The following TIMM50 variants were observed in gnomAD, a reference collection of about 807,000 sequenced individuals.
TIMM50 encodes translocase of inner mitochondrial membrane 50.
A neutral mutation model predicts 49.6 loss-of-function variants in TIMM50; 34 were observed. The observed-to-expected ratio is 0.69, with a 90% confidence interval of 0.52 to 0.91. The LOEUF (loss-of-function observed/expected upper bound fraction) is 0.91, where lower values mean the gene tolerates loss of function less well. Ranked by LOEUF, TIMM50 falls within the 40% of genes least tolerant of loss-of-function variation. The probability of loss-of-function intolerance (pLI) is 0.00; values close to 1 mark genes in which losing one functional copy is unlikely to be tolerated. For synonymous variants in TIMM50, 199 were observed against 198.4 expected (o/e 1.00, Z -0.03); for missense variants, 458 against 477.8 (o/e 0.96, Z 0.39).
At chr19:39,488,340 T>C (rs1600742328) in intron 9 of TIMM50, 123 bp downstream of exon 9, 3 of 1,236,592 alleles carry the variant, frequency 2.4e-6, no homozygotes, top group Non-Finnish European at 3.4e-6. Context: ...CACCTTGGAG[T>C]CTTTAGGAGC....
At chr19:39,487,640 G>A (rs1490850923) in intron 8 of TIMM50, among the ~76,000 whole-genome samples, 1 of 151,970 alleles carries the variant, frequency 6.6e-6, no homozygotes, top group African/African-American at 2.4e-5. Context: ...TGTATTTTTA[G>A]TAGAGACAGA....
intron 4 of TIMM50, among the ~76,000 whole-genome samples, chr19:39,484,296 C>G (rs890493827): frequency 1.3e-5 from 2 of 152,082 alleles, no homozygotes; most frequent in Non-Finnish European, 2.9e-5. Context: ...CCCAGCTACT[C>G]AGGAGGCTGA....
At chr19:39,489,411 G>T (rs1379513654) in intron 10 of TIMM50, among the ~76,000 whole-genome samples, 1 of 152,114 alleles carries the variant, frequency 6.6e-6, no homozygotes, top group African/African-American at 2.4e-5. Flanking sequence ...TGGGGCCTGA[G>T]AACCTACTGC....
chr19:39,488,008 G>A, intron 8 of TIMM50, 53 bp from the exon 9 acceptor site: 2 of 1,570,056 alleles, frequency 1.3e-6, no homozygotes, highest in South Asian at 1.2e-5. Flanking sequence ...GGGTCTTCTT[G>A]ATGGGGGGAG....
In TIMM50 at chr19:39,490,039, G is replaced by T. The variant is rs1448364137; in HGVS notation, c.*219G>T. ...CAAGCACAGTGGGGGTGCTTTGTTGGATCAGAGCAGATTTTTCACCCTGGT... is the reference window on the plus strand; with the variant it reads ...CAAGCACAGTGGGGGTGCTTTGTTGTATCAGAGCAGATTTTTCACCCTGGT... On this transcript the variant is annotated 3_prime_UTR_variant, in exon 11 of 11. Coordinates refer to ENST00000607714, the MANE Select transcript of TIMM50 (RefSeq NM_001001563.5). 6 of 562,700 alleles carry T rather than the reference G, an allele frequency of 1.1e-5. No homozygotes were observed. The highest frequency in any genetic ancestry group is 7.5e-5 in the African/African-American group (4 of 53,356). 34.9% of individuals were successfully genotyped at this position (562,700 alleles called of 1,614,324 possible).
chr19:39,487,948 T>G, intron 8 of TIMM50, 113 bp from the exon 9 acceptor site: 1 of 1,455,936 alleles, frequency 6.9e-7, no homozygotes, highest in Non-Finnish European at 9.2e-7. Flanking sequence ...CCTGCCATTG[T>G]GATCCCAGTA....
chr19:39,481,032 T>G (rs2079467601), intron 1 of TIMM50, 71 bp downstream of exon 1: 2 of 1,467,532 alleles, frequency 1.4e-6, no homozygotes, highest in South Asian at 1.4e-5. Flanking sequence ...TCGCCGCCCC[T>G]TGGGGGTTCC....
At position 39,485,678 on chromosome 19, in the gene TIMM50, T is replaced by C; in HGVS notation, c.373-10T>C. Reference sequence around the variant, plus strand: ...TGTCTGAGCGCCCCCATCCTGTCCCTCTCCCACAGATGATCATCGAGCCCA... The same window carrying C: ...TGTCTGAGCGCCCCCATCCTGTCCCCCTCCCACAGATGATCATCGAGCCCA... On this transcript the variant is annotated splice_polypyrimidine_tract_variant and intron_variant, in intron 5 of 10. Transcript: ENST00000607714. The C allele has an allele frequency of 6.2e-7, 1 of 1,614,024 alleles. No homozygotes were observed. Among genetic ancestry groups the C allele is most frequent in the Non-Finnish European group, 8.5e-7 (1 of 1,180,010 alleles).
In TIMM50 at chr19:39,490,791, G is replaced by A. The variant is rs1175605779; in HGVS notation, c.*971G>A. The A allele has an allele frequency of 6.6e-6, 1 of 152,060 alleles. No individual in the cohort carries two copies. Among genetic ancestry groups the A allele is most frequent in the Non-Finnish European group, 1.5e-5 (1 of 68,044 alleles). The allele number at this position is 152,060 out of a possible 1,614,324, so 9.4% of individuals were successfully genotyped here. ...AATCCCAGCACTTTGGGAGGCTGAG[G>A]TGGGTGGATCACCTGAGGTCAGGAG... On this transcript the variant is annotated 3_prime_UTR_variant, in exon 11 of 11. Coordinates refer to ENST00000607714, the MANE Select transcript of TIMM50 (RefSeq NM_001001563.5).
intron 4 of TIMM50, chr19:39,483,692 GC>G (rs1405915743): frequency 6.4e-6 from 1 of 155,238 alleles, no homozygotes; most frequent in Non-Finnish European, 1.4e-5. Context: ...GGGGATGTTT[GC>G]AAACAGTCAT....
intron 4 of TIMM50, among the ~76,000 whole-genome samples, chr19:39,484,282 T>C (rs994594901): frequency 6.6e-6 from 1 of 152,184 alleles, no homozygotes; most frequent in Admixed American, 6.5e-5. Context: ...CCTGTGCCTG[T>C]GGTCCCAGCT....
intron 4 of TIMM50, among the ~76,000 whole-genome samples, chr19:39,484,396 T>C (rs1363781393): frequency 6.6e-6 from 1 of 151,958 alleles, no homozygotes; most frequent in Non-Finnish European, 1.5e-5. Flanking sequence ...AGAGTGAGTC[T>C]CCATCTCTAA....
Position 39,480,888 on chromosome 19 carries a change from G to C in TIMM50, c.35G>C (p.Arg12Pro), listed in dbSNP as rs200540450. 6.3e-7 allele frequency: 1 copy of C among 1,599,194 alleles called. No homozygotes were observed. Among genetic ancestry groups the C allele is most frequent in the Non-Finnish European group, 8.5e-7 (1 of 1,176,584 alleles). Residue 12 changes from arginine (R) to proline (P), a missense_variant, in exon 1 of 11, where the codon CGA (arginine) becomes CCA (proline). Transcript: ENST00000607714. ...TCGGCAGCGGTGTTCTCGCGCTTGC[G>C]AAGCGGGCTCCGGCTCGGCTCGCGG... ...AASAAVFSRL[R>P]SGLRLGSRGL...
rs1568445510 is a variant in TIMM50, at chr19:39,492,883, AAAAAAAAAAC to A, written c.*3073_*3082del. Reference sequence around the variant, plus strand: ...AAGGCTCTGTCTCCAAAAAAAAAAAAAAAAAAAAACAAAAAAAAAACCAGTTTGACTTTAT... The same window carrying A: ...AAGGCTCTGTCTCCAAAAAAAAAAAAAAAAAAAAAACCAGTTTGACTTTAT... On this transcript the variant is annotated 3_prime_UTR_variant, in exon 11 of 11. Coordinates refer to ENST00000607714, the MANE Select transcript of TIMM50 (RefSeq NM_001001563.5). 3 of 138,528 alleles carry A rather than the reference AAAAAAAAAAC, an allele frequency of 2.2e-5. No homozygotes were observed. The highest frequency in any genetic ancestry group is 3.1e-5 in the Non-Finnish European group (2 of 63,802). 8.6% of individuals were successfully genotyped at this position (138,528 alleles called of 1,614,324 possible).
Position 39,490,449 on chromosome 19 carries a change from C to A in TIMM50, c.*629C>A, listed in dbSNP as rs1241097629. ...AGTGCATTGATGTGATCTTAGCTTA[C>A]AACAGCCTTGACCTCCCGGCTCAAG... On this transcript the variant is annotated 3_prime_UTR_variant, in exon 11 of 11. Coordinates refer to ENST00000607714, the MANE Select transcript of TIMM50 (RefSeq NM_001001563.5). 1 of 151,380 alleles carries A rather than the reference C, an allele frequency of 6.6e-6. No homozygotes were observed. The highest frequency in any genetic ancestry group is 2.4e-5 in the African/African-American group (1 of 40,962). 9.4% of individuals were successfully genotyped at this position (151,380 alleles called of 1,614,324 possible).
chr19:39,481,441 C>T (rs897251452), intron 1 of TIMM50: 14 of 230,624 alleles, frequency 6.1e-5, no homozygotes, highest in Admixed American at 2.7e-4. Flanking sequence ...TGCCCTTCCC[C>T]GCCTCCGCTC....
intron 2 of TIMM50, 45 bp from the exon 3 acceptor site, chr19:39,482,840 G>C: frequency 6.2e-7 from 1 of 1,613,568 alleles, no homozygotes; most frequent in African/African-American, 1.3e-5. Context: ...GGGACCCAGG[G>C]GACTGGGCCC....
chr19:39,493,486 GA>G lies in TIMM50; in HGVS notation c.*3668del, dbSNP rs1394451774. The stretch of plus-strand genomic sequence containing the variant: ...ACCCAGATGGCCTGAAGTAACTGAA[GA>G]ATCACAAAAGAAGTGAAAAGGCCCT... On this transcript the variant is annotated 3_prime_UTR_variant, in exon 11 of 11. Coordinates refer to ENST00000607714, the MANE Select transcript of TIMM50 (RefSeq NM_001001563.5). 7.4e-6 allele frequency: 1 copy of G among 135,434 alleles called. No homozygotes were observed. Among genetic ancestry groups the G allele is most frequent in the Non-Finnish European group, 1.5e-5 (1 of 65,766 alleles). 8.4% of individuals were successfully genotyped at this position (135,434 alleles called of 1,614,324 possible). A position where few individuals can be genotyped will look rare whatever the true frequency, so the allele number is the denominator to read the frequency against.
chr19:39,488,447 C>T (rs1175663622), intron 9 of TIMM50, 92 bp from the exon 10 acceptor site: 4 of 1,244,130 alleles, frequency 3.2e-6, no homozygotes, highest in African/African-American at 3.0e-5. Flanking sequence ...CACTGACTGC[C>T]CCCGTGCCCC....
Sources: allele counts gnomAD v4.1 joint callset (sites outside exome capture counted in the v4.1 genomes callset), GRCh38; gene constraint gnomAD v4.1.1; transcripts MANE v1.5; gene names NCBI Gene and HGNC (gene_info 2026-07-23, HGNC 2026-07-21).